Variants in UBL3 observed in about 807,000 individuals in gnomAD.
UBL3 encodes ubiquitin-like protein 3.
Under a neutral mutation model 18.4 loss-of-function variants are expected in UBL3, and 6 were observed. That is an observed-to-expected ratio of 0.33 (90% CI 0.18 to 0.64). The LOEUF is 0.64. Among genes scored for constraint, UBL3 ranks in the 30% least tolerant of loss-of-function variants. UBL3 has a pLI of 0.76. For missense variants in UBL3, 109 were observed against 142.9 expected (o/e 0.76, Z 1.21); for synonymous variants, 49 against 46.6 (o/e 1.05, Z -0.21).
rs538459224 is a variant in UBL3, at chr13:29,779,891, G to A, written c.28-2628C>T. Among the ~76,000 whole-genome samples the A allele has an allele frequency of 5.0e-4, 76 of 152,136 alleles. 1 individual carries two copies. The highest frequency in any genetic ancestry group is 4.0e-4 in the Non-Finnish European group (27 of 68,034). On this transcript the variant is annotated intron_variant, in intron 1 of 4. Transcript: ENST00000380680. Reference sequence around the variant, plus strand: ...TTAAAGTTAAAGTGAGATCGTAAGGGTGAGGTCCTCGTCTGTACCACAGCG... The same window carrying A: ...TTAAAGTTAAAGTGAGATCGTAAGGATGAGGTCCTCGTCTGTACCACAGCG...
intron 2 of UBL3, among the ~76,000 whole-genome samples, chr13:29,776,828 G>T (rs1480851637): frequency 1.6e-5 from 2 of 123,886 alleles, no homozygotes; most frequent in Non-Finnish European, 3.1e-5. Context: ...CTAAGATCAC[G>T]CCACTGCACT....
At chr13:29,839,081 C>CA (rs1431216978) in intron 1 of UBL3, among the ~76,000 whole-genome samples, 1 of 152,158 alleles carries the variant, frequency 6.6e-6, no homozygotes, top group Non-Finnish European at 1.5e-5. Context: ...TAAAAACATA[C>CA]AGACAAATCC....
intron 2 of UBL3, among the ~76,000 whole-genome samples, chr13:29,776,292 T>C (rs1409893252): frequency 7.7e-5 from 11 of 142,708 alleles, no homozygotes; most frequent in African/African-American, 2.9e-4. Flanking sequence ...AGACAGGGTC[T>C]TGCTCTGTTG....
At chr13:29,819,956 AAAACGT>A (rs1306655433) in intron 1 of UBL3, among the ~76,000 whole-genome samples, 1 of 152,182 alleles carries the variant, frequency 6.6e-6, no homozygotes, top group East Asian at 1.9e-4. Flanking sequence ...AACCATTTCA[AAAACGT>A]AAAAGGTTCT....
At chr13:29,839,750 A>G (rs891266484) in intron 1 of UBL3, among the ~76,000 whole-genome samples, 10 of 152,054 alleles carry the variant, frequency 6.6e-5, no homozygotes, top group South Asian at 2.1e-4. Context: ...ACACGGTGAG[A>G]CCCCGTCTCT....
At chr13:29,775,648 C>T (rs1039625925) in intron 2 of UBL3, among the ~76,000 whole-genome samples, 6 of 152,064 alleles carry the variant, frequency 3.9e-5, no homozygotes, top group African/African-American at 7.2e-5. Context: ...CAGAGTCTTG[C>T]TCTGTCACCC....
At chr13:29,785,561 A>T (rs1877292529) in intron 1 of UBL3, among the ~76,000 whole-genome samples, 1 of 152,240 alleles carries the variant, frequency 6.6e-6, no homozygotes, top group African/African-American at 2.4e-5. Context: ...TAAAGGGCAT[A>T]TTTTGAATTT....
chr13:29,814,070 G>C (rs1188307564), intron 1 of UBL3, among the ~76,000 whole-genome samples: 1 of 152,028 alleles, frequency 6.6e-6, no homozygotes, highest in Admixed American at 6.6e-5. Context: ...TTTCTATTCT[G>C]AGTTATTAGG....
intron 1 of UBL3, among the ~76,000 whole-genome samples, chr13:29,782,142 C>G (rs1453757748): frequency 6.6e-6 from 1 of 152,032 alleles, no homozygotes. Context: ...TTCATTGAAC[C>G]TAAGACCTTC....
At chr13:29,848,199 T>C (rs1374962292) in intron 1 of UBL3, among the ~76,000 whole-genome samples, 1 of 149,852 alleles carries the variant, frequency 6.7e-6, no homozygotes, top group Non-Finnish European at 1.5e-5. Flanking sequence ...ATCCCAGCAC[T>C]TTGGGAGGCC....
chr13:29,788,720 A>C (rs1283408035), intron 1 of UBL3, among the ~76,000 whole-genome samples: 1 of 152,152 alleles, frequency 6.6e-6, no homozygotes, highest in Non-Finnish European at 1.5e-5. Context: ...ACTTCTAGGG[A>C]ATATAAGTAG....
chr13:29,797,018 T>C (rs529186557), intron 1 of UBL3, among the ~76,000 whole-genome samples: 2 of 152,210 alleles, frequency 1.3e-5, no homozygotes, highest in African/African-American at 2.4e-5. Flanking sequence ...CCACTGACTT[T>C]TCAATTATAC....
Position 29,777,275 on chromosome 13 carries a change from CAAT to C in UBL3, c.28-15_28-13del. On this transcript the variant is annotated splice_polypyrimidine_tract_variant and intron_variant, in intron 1 of 4. Coordinates refer to ENST00000380680, the MANE Select transcript of UBL3 (RefSeq NM_007106.4). ...AGGCGCAAATTTATCTGAAAGAAGA[CAAT>C]GATTCTTTTAACATAAATCTAAAAA... The C allele has an allele frequency of 6.3e-7, 1 of 1,587,474 alleles. No homozygotes were observed. Among genetic ancestry groups the C allele is most frequent in the Non-Finnish European group, 8.6e-7 (1 of 1,167,138 alleles).
Position 29,765,227 on chromosome 13 carries a change from G to T in UBL3, c.*2028C>A, listed in dbSNP as rs1268374201. On this transcript the variant is annotated 3_prime_UTR_variant, in exon 5 of 5. Coordinates refer to ENST00000380680, the MANE Select transcript of UBL3 (RefSeq NM_007106.4). The stretch of plus-strand genomic sequence containing the variant: ...AAAAGAGTAATCAGAATGAAAATAG[G>T]TATTAAAAATAATTACCAGTAGTTT... The T allele has an allele frequency of 2.0e-5, 3 of 151,866 alleles. No individual in the cohort carries two copies. The highest frequency in any genetic ancestry group is 7.3e-5 in the African/African-American group (3 of 41,348). The allele number at this position is 151,866 out of a possible 1,614,324, so 9.4% of individuals were successfully genotyped here.
intron 1 of UBL3, among the ~76,000 whole-genome samples, chr13:29,823,384 G>A (rs753550448): frequency 2.6e-5 from 4 of 152,076 alleles, no homozygotes; most frequent in South Asian, 2.1e-4. Flanking sequence ...CAGGTGATCC[G>A]CCCGCCTTCG....
intron 1 of UBL3, among the ~76,000 whole-genome samples, chr13:29,821,197 A>G (rs980787630): frequency 6.6e-6 from 1 of 151,934 alleles, no homozygotes; most frequent in Admixed American, 6.5e-5. Flanking sequence ...AGTACCAAAA[A>G]AGCTTTGTTA....
At chr13:29,793,518 C>T (rs1393991851) in intron 1 of UBL3, among the ~76,000 whole-genome samples, 1 of 152,090 alleles carries the variant, frequency 6.6e-6, no homozygotes, top group African/African-American at 2.4e-5. Flanking sequence ...ATTTACTTAG[C>T]AATGTTCTAT....
intron 2 of UBL3, among the ~76,000 whole-genome samples, chr13:29,775,231 T>C (rs1301620316): frequency 6.6e-6 from 1 of 152,196 alleles, no homozygotes; most frequent in Non-Finnish European, 1.5e-5. Context: ...ATTTTCTGAA[T>C]CAATCTTTTT....
chr13:29,787,135 ATAGT>A (rs767731120), intron 1 of UBL3, among the ~76,000 whole-genome samples: 2 of 152,170 alleles, frequency 1.3e-5, no homozygotes, highest in Non-Finnish European at 2.9e-5. Flanking sequence ...ATGAACAGGA[ATAGT>A]TAATTAGCCT....
Sources: allele counts gnomAD v4.1 joint callset (sites outside exome capture counted in the v4.1 genomes callset), GRCh38; gene constraint gnomAD v4.1.1; transcripts MANE v1.5; gene names NCBI Gene and HGNC (gene_info 2026-07-23, HGNC 2026-07-21).